Variants in XAB2 observed in about 807,000 individuals in gnomAD.
The protein encoded by XAB2 is XPA binding protein 2, also known as pre-mRNA-splicing factor SYF1.
Under a neutral mutation model 113.4 loss-of-function variants are expected in XAB2, and 57 were observed. The observed-to-expected ratio is 0.50, with a 90% CI of 0.41 to 0.63. The LOEUF (loss-of-function observed/expected upper bound fraction) is 0.63, where lower values mean the gene tolerates loss of function less well. Among genes scored for constraint, XAB2 ranks in the 20% least tolerant of loss-of-function variants. The pLI is 0.00. For synonymous variants in XAB2, 497 were observed against 498.8 expected (o/e 1.00, Z 0.05); for missense variants, 1,037 against 1,233.3 (o/e 0.84, Z 2.38).
rs747631845 is a variant in XAB2 at position 7,622,532 on chromosome 19, G to A, written c.1501C>T (p.Gln501Ter). Residue 501 changes from glutamine (Q) to a stop codon, truncating the protein, a stop_gained and splice_region_variant, in exon 11 of 19, where the codon CAG (glutamine) becomes TAG (stop). Coordinates refer to ENST00000358368, the MANE Select transcript of XAB2 (RefSeq NM_020196.3). LOFTEE classifies it high-confidence loss of function. ...ADLEESLGTF[Q>*]STKAVYDRIL... The stretch of plus-strand genomic sequence containing the variant: ...CTCCCCAGCCACAGGCAGCTCACCT[G>A]GAAGGTGCCGAGGCTCTCCTCCAGG... The A allele has an allele frequency of 6.2e-7, 1 of 1,613,872 alleles. No homozygotes were observed. Among genetic ancestry groups the A allele is most frequent in the Non-Finnish European group, 8.5e-7 (1 of 1,180,028 alleles).
In XAB2 at chr19:7,620,987, C is replaced by T. The variant is rs1385540081; in HGVS notation, c.1830G>A (p.Arg610=). ...AQLEEEWGLA[R]HAMAVYERAT... ...CACGCTCGTACACGGCCATGGCATG[C>T]CGGGCCAGGCCCCACTCCTCCTCCA... The change falls in exon 14 of 19, where the codon CGG becomes CGA. Residue 610 remains arginine, a synonymous_variant. Coordinates refer to ENST00000358368, the MANE Select transcript of XAB2 (RefSeq NM_020196.3). 1.3e-6 allele frequency: 2 copies of T among 1,567,548 alleles called. No individual in the cohort carries two copies. The highest frequency in any genetic ancestry group is 1.7e-4 in the Middle Eastern group (1 of 5,830).
rs1198837871 is a variant in XAB2, at chr19:7,620,651, C to T, written c.1990G>A (p.Ala664Thr). 10 of 1,612,882 alleles carry T rather than the reference C, an allele frequency of 6.2e-6. No homozygotes were observed. The highest frequency in any genetic ancestry group is 1.7e-5 in the Admixed American group (1 of 60,024). The change falls in exon 15 of 19, where the codon GCG becomes ACG. Residue 664 changes from alanine to threonine, a missense_variant. By Grantham distance (58) the Ala-to-Thr change is moderately conservative. Coordinates refer to ENST00000358368, the MANE Select transcript of XAB2 (RefSeq NM_020196.3). ...KAIEVLSDEH[A>T]REMCLRFADM... ...GCAAACCGCAGGCACATCTCACGCGCGTGCTCGTCCGACAGCACCTGGACA... is the reference window on the plus strand; with the variant it reads ...GCAAACCGCAGGCACATCTCACGCGTGTGCTCGTCCGACAGCACCTGGACA...
In XAB2 at chr19:7,621,291, C is replaced by T. The variant is rs1213088798; in HGVS notation, c.1624G>A (p.Glu542Lys). 4.3e-6 allele frequency: 7 copies of T among 1,612,768 alleles called. No homozygotes were observed. Among genetic ancestry groups the T allele is most frequent in the Non-Finnish European group, 4.2e-6 (5 of 1,179,864 alleles). The change falls in exon 13 of 19, where the codon GAG becomes AAG. Residue 542 changes from glutamate (E) to lysine (K), a missense_variant. Transcript: ENST00000358368. ...KYFEESFKAY[E>K]RGISLFKWPN... ...CACTTGAACAGCGAGATGCCGCGCT[C>T]GTACGCCTGTTACCAGAGGGAGAGT...
At chr19:7,626,299 C>G in intron 4 of XAB2, 29 bp from the exon 5 acceptor site, 1 of 1,596,212 alleles carries the variant, frequency 6.3e-7, no homozygotes, top group East Asian at 2.2e-5. Context: ...CTCAGGCAGT[C>G]AGTGGGGTGG....
Position 7,627,852 on chromosome 19 carries a change from C to G in XAB2, c.201-1G>C, listed in dbSNP as rs748611854. ...CAGGTATCGGTACCAGAGTTTGTAG[C>G]TGGGGAATAGGAGGGGACAGATGCT... On this transcript the variant is annotated splice_acceptor_variant, in intron 2 of 18. Coordinates refer to ENST00000358368, the MANE Select transcript of XAB2 (RefSeq NM_020196.3). LOFTEE classifies it high-confidence loss of function. The surrounding 1 kb of genome is among the most constrained non-coding windows in gnomAD (Gnocchi z 4.5). The G allele has an allele frequency of 1.2e-6, 2 of 1,612,100 alleles. No homozygotes were observed. Among genetic ancestry groups the G allele is most frequent in the Non-Finnish European group, 1.7e-6 (2 of 1,178,324 alleles).
At chr19:7,622,694 CAG>C in intron 10 of XAB2, 33 bp from the exon 11 acceptor site, 1 of 1,612,388 alleles carries the variant, frequency 6.2e-7, no homozygotes, top group South Asian at 1.1e-5. Context: ...GGGAGGCGCT[CAG>C]GGGCTGTCCC....
At position 7,622,848 on chromosome 19, in the gene XAB2, C is replaced by T; in HGVS notation, c.1285G>A (p.Val429Met). ...EKATKVNFKQ[V>M]DDLASVWCQC... is the part of the protein sequence containing the mutation. The stretch of plus-strand genomic sequence containing the variant: ...CACCACACGCTTGCCAGGTCATCCA[C>T]CTGCTTGAAGTTCACCTTGGTGGCC... The change falls in exon 10 of 19, where the codon GTG becomes ATG. Residue 429 changes from valine to methionine, a missense_variant. By Grantham distance (21) the Val-to-Met change is conservative. Coordinates refer to ENST00000358368, the MANE Select transcript of XAB2 (RefSeq NM_020196.3). 1 of 1,614,012 alleles carries T rather than the reference C, an allele frequency of 6.2e-7. No homozygotes were observed. Among genetic ancestry groups the T allele is most frequent in the South Asian group, 1.1e-5 (1 of 91,068 alleles).
chr19:7,621,913 A>C lies in XAB2; in HGVS notation c.1617+418T>G, dbSNP rs4134858. 1.4e-3 allele frequency: 306 copies of C among 214,794 alleles called. 1 individual carries two copies. Among genetic ancestry groups the C allele is most frequent in the African/African-American group, 6.6e-3 (284 of 42,902 alleles). The allele number at this position is 214,794 out of a possible 1,614,324, so 13.3% of individuals were successfully genotyped here. A position where few individuals can be genotyped will look rare whatever the true frequency, so the allele number is the denominator to read the frequency against. ...TATGGAATGAACTGTGCCCCCCTCA[A>C]AACATTCATATGCTCAAATCTTAAC... is the stretch of plus-strand genomic sequence containing the variant. On this transcript the variant is annotated intron_variant, in intron 12 of 18. Transcript: ENST00000358368.
At chr19:7,619,679 T>C in intron 18 of XAB2, 32 bp from the exon 19 acceptor site, 1 of 1,605,248 alleles carries the variant, frequency 6.2e-7, no homozygotes, top group South Asian at 1.1e-5. Context: ...GTCACCCTCC[T>C]GGCGTTGGCC....
chr19:7,622,319 C>T lies in XAB2; in HGVS notation c.1617+12G>A, dbSNP rs371612520. On this transcript the variant is annotated intron_variant, in intron 12 of 18. Coordinates refer to ENST00000358368, the MANE Select transcript of XAB2 (RefSeq NM_020196.3). ...GCCATCAGGGGCCTCTGGGTCCACC[C>T]TAGCCCCTCACCTTGAAGCTCTCCT... 7.2e-4 allele frequency: 1,163 copies of T among 1,613,508 alleles called. 1 individual carries two copies. The highest frequency in any genetic ancestry group is 9.5e-4 in the Non-Finnish European group (1,118 of 1,179,652).
At position 7,627,122 on chromosome 19, in the gene XAB2, G is replaced by C; in HGVS notation, c.522+121C>G. On this transcript the variant is annotated intron_variant, in intron 4 of 18. Transcript: ENST00000358368. The surrounding 1 kb of genome is among the most constrained non-coding windows in gnomAD (Gnocchi z 4.5). ...AATCACGGACAACAACAAAACACATGCATCTCCAGGAGCCTCTTCCCACAT... is the reference window on the plus strand; with the variant it reads ...AATCACGGACAACAACAAAACACATCCATCTCCAGGAGCCTCTTCCCACAT... The C allele has an allele frequency of 9.1e-7, 1 of 1,102,744 alleles. No individual in the cohort carries two copies. Among genetic ancestry groups the C allele is most frequent in the Non-Finnish European group, 1.3e-6 (1 of 764,746 alleles). 68.3% of individuals were successfully genotyped at this position (1,102,744 alleles called of 1,614,324 possible). A position where few individuals can be genotyped will look rare whatever the true frequency, so the allele number is the denominator to read the frequency against.
rs1049913005 is a variant in XAB2 at position 7,625,062 on chromosome 19, T to C, written c.823-617A>G. Among the ~76,000 whole-genome samples the C allele has an allele frequency of 6.6e-6, 1 of 152,246 alleles. No homozygotes were observed. Among genetic ancestry groups the C allele is most frequent in the Admixed American group, 6.5e-5 (1 of 15,288 alleles). On this transcript the variant is annotated intron_variant, in intron 6 of 18. Coordinates refer to ENST00000358368, the MANE Select transcript of XAB2 (RefSeq NM_020196.3). This position sits in a 1 kb window ranked among gnomAD's most constrained non-coding sequence, Gnocchi z 5.2. Reference sequence around the variant, plus strand: ...CAGCCAGGAGCATGGCCAGCCCGTTTGGCTTTCGAGGCTCCCAACCTATCT... The same window carrying C: ...CAGCCAGGAGCATGGCCAGCCCGTTCGGCTTTCGAGGCTCCCAACCTATCT...
At chr19:7,622,991 C>A in intron 9 of XAB2, 98 bp from the exon 10 acceptor site, 5 of 1,554,442 alleles carry the variant, frequency 3.2e-6, no homozygotes, top group Non-Finnish European at 4.3e-6. Flanking sequence ...AACATACAGG[C>A]ACAAACACAC....
chr19:7,625,953 C>T lies in XAB2; in HGVS notation c.749G>A (p.Arg250His), dbSNP rs371504462. 76 of 1,613,758 alleles carry T rather than the reference C, an allele frequency of 4.7e-5. No homozygotes were observed. Among genetic ancestry groups the T allele is most frequent in the East Asian group, 3.8e-4 (17 of 44,886 alleles). ...GAGCTTGCCCAGCTGGTCGGTGAAG[C>T]GGGTGAGGCCCCCGCGGATGATGGC... ...VDAIIRGGLT[R>H]FTDQLGKLWC... Residue 250 changes from arginine (R) to histidine (H), a missense_variant, in exon 6 of 19, where the codon CGC becomes CAC. Physicochemically the swap from Arg to His is conservative, Grantham distance 29. Coordinates refer to ENST00000358368, the MANE Select transcript of XAB2 (RefSeq NM_020196.3). This position sits in a 1 kb window ranked among gnomAD's most constrained non-coding sequence, Gnocchi z 5.2.
intron 16 of XAB2, 92 bp downstream of exon 16, chr19:7,620,183 A>G (rs997840279): frequency 2.1e-5 from 34 of 1,596,432 alleles, no homozygotes; most frequent in African/African-American, 6.7e-5. Flanking sequence ...GGAGATTGCC[A>G]TCAGGATCCG....
chr19:7,622,623 A>G lies in XAB2; in HGVS notation c.1410T>C (p.Phe470=), dbSNP rs542687248. ...GGTTCTGCACGGGCTCTGAACCATC[A>G]AAGTACTCGGCCCGGCGGGCAGGCA... ...TALPARRAEY[F]DGSEPVQNRV... The change falls in exon 11 of 19, where the codon TTT becomes TTC. Residue 470 remains phenylalanine, a synonymous_variant. Coordinates refer to ENST00000358368, the MANE Select transcript of XAB2 (RefSeq NM_020196.3). 3.7e-6 allele frequency: 6 copies of G among 1,612,326 alleles called. No homozygotes were observed. The East Asian group carries it at 8.9e-5, about 24-fold the overall frequency.
intron 12 of XAB2, 132 bp from the exon 13 acceptor site, chr19:7,621,429 C>G: frequency 1.0e-6 from 1 of 985,924 alleles, no homozygotes. Context: ...CCACGCCTCC[C>G]TGTCCCTAAT....
Position 7,626,383 on chromosome 19 carries a change from AAAGC to A in XAB2, c.523-117_523-114del. 3.4e-6 allele frequency: 5 copies of A among 1,468,004 alleles called. No homozygotes were observed. The South Asian group carries it at 6.2e-5, about 18-fold the overall frequency. 90.9% of individuals were successfully genotyped at this position (1,468,004 alleles called of 1,614,324 possible). A position where few individuals can be genotyped will look rare whatever the true frequency, so the allele number is the denominator to read the frequency against. ...CACCCATTTATGAGTGTCTTGGGCA[AAAGC>A]AAGCCCTGTCAAACCAGCCTCAGCC... is the stretch of plus-strand genomic sequence containing the variant. On this transcript the variant is annotated intron_variant, in intron 4 of 18. Coordinates refer to ENST00000358368, the MANE Select transcript of XAB2 (RefSeq NM_020196.3).
In XAB2 at chr19:7,623,386, C is replaced by G. The variant is rs2031076456; in HGVS notation, c.1120-97G>C. ...TCTGAGGGGTGGGGCCTGGAGGGTG[C>G]TGTGGCCCCTGTCGGGAGAGGCCAG... On this transcript the variant is annotated intron_variant, in intron 8 of 18. Transcript: ENST00000358368. The surrounding 1 kb of genome is among the most constrained non-coding windows in gnomAD (Gnocchi z 4.6). 2 of 1,503,128 alleles carry G rather than the reference C, an allele frequency of 1.3e-6. No homozygotes were observed. The highest frequency in any genetic ancestry group is 2.8e-5 in the African/African-American group (2 of 71,926). 93.1% of individuals were successfully genotyped at this position (1,503,128 alleles called of 1,614,324 possible). A position where few individuals can be genotyped will look rare whatever the true frequency, so the allele number is the denominator to read the frequency against.
Sources: gnomAD v4.1 joint callset for allele counts (sites outside exome capture counted in the v4.1 genomes callset) on GRCh38, gnomAD v4.1.1 for gene constraint, Gnocchi (gnomAD v3.1) non-coding constraint, MANE v1.5 for transcripts, NCBI Gene and HGNC (gene_info 2026-07-23, HGNC 2026-07-21) for gene names.